The following NCOA1 variants were observed in gnomAD, a reference collection of about 807,000 sequenced individuals.
NCOA1 encodes the protein Hin-2 protein.
Under a neutral mutation model 150.9 loss-of-function variants are expected in NCOA1, and 35 were observed. The observed-to-expected ratio is 0.23, with a 90% confidence interval of 0.18 to 0.31. The LOEUF (loss-of-function observed/expected upper bound fraction) is 0.31. Ranked by LOEUF, NCOA1 falls within the 10% of genes least tolerant of loss-of-function variation. NCOA1 has a pLI of 1.00. For synonymous variants in NCOA1, 590 were observed against 630.0 expected (o/e 0.94, Z 0.95); for missense variants, 1,491 against 1,749.3 (o/e 0.85, Z 2.63).
chr2:24,530,247 G>A (rs1664827431), intron 1 of NCOA1, among the ~76,000 whole-genome samples: 1 of 152,224 alleles, frequency 6.6e-6, no homozygotes, highest in Non-Finnish European at 1.5e-5. Context: ...TTAAGAGCTA[G>A]AGAAGAATCA....
At chr2:24,737,857 A>G (rs1663403063) in intron 17 of NCOA1, among the ~76,000 whole-genome samples, 1 of 152,226 alleles carries the variant, frequency 6.6e-6, no homozygotes, top group African/African-American at 2.4e-5. Context: ...TCCAAACTTT[A>G]TACAGTATCT....
intron 2 of NCOA1, among the ~76,000 whole-genome samples, chr2:24,574,399 A>G (rs1666864617): frequency 6.6e-6 from 1 of 152,128 alleles, no homozygotes; most frequent in Admixed American, 6.5e-5. Flanking sequence ...AGATGGAAAT[A>G]TGCCCAATTA....
chr2:24,547,715 G>T (rs1366225572), intron 1 of NCOA1, among the ~76,000 whole-genome samples: 1 of 151,786 alleles, frequency 6.6e-6, no homozygotes, highest in Non-Finnish European at 1.5e-5. Context: ...GGAGCCAGGT[G>T]CAATGGCTCA....
At chr2:24,667,746 A>G (rs1165351779) in intron 6 of NCOA1, among the ~76,000 whole-genome samples, 1 of 152,120 alleles carries the variant, frequency 6.6e-6, no homozygotes, top group East Asian at 1.9e-4. Context: ...TGCCCCTGCT[A>G]TTTACAGTTG....
chr2:24,705,726 G>A (rs1380695108), intron 12 of NCOA1, among the ~76,000 whole-genome samples: 1 of 151,990 alleles, frequency 6.6e-6, no homozygotes, highest in African/African-American at 2.4e-5. Context: ...ACTGATATAT[G>A]GTAAATTCAT....
At chr2:24,742,332 C>T (rs1312721416) in intron 19 of NCOA1, 146 bp downstream of exon 19, 1 of 960,430 alleles carries the variant, frequency 1.0e-6, no homozygotes, top group South Asian at 1.9e-5. Context: ...AGGATTCAGA[C>T]TCAGCTTTTG....
At chr2:24,503,893 C>G (rs1663576226) in intron 1 of NCOA1, among the ~76,000 whole-genome samples, 1 of 152,080 alleles carries the variant, frequency 6.6e-6, no homozygotes, top group East Asian at 1.9e-4. Flanking sequence ...TACCACCACA[C>G]ACAGCTAGTT....
At chr2:24,636,566 C>T (rs1442497827) in intron 3 of NCOA1, among the ~76,000 whole-genome samples, 1 of 152,048 alleles carries the variant, frequency 6.6e-6, no homozygotes, top group Admixed American at 6.6e-5. Context: ...TAAATAAAGA[C>T]AATTTTAGTT....
rs1190620343 is a variant in NCOA1, at chr2:24,679,808, G to A, written c.355-3143G>A. 2.6e-5 allele frequency among the ~76,000 whole-genome samples: 4 copies of A among 152,142 alleles called. No individual in the cohort carries two copies. In the South Asian group the frequency reaches 6.2e-4, roughly 24 times the overall value. ...TGAGATTTTAAAGATTATTAATCAC[G>A]TCCCTATCTCCTTTGCATTATGGAC... On this transcript the variant is annotated intron_variant, in intron 7 of 22. Coordinates refer to ENST00000348332, the MANE Select transcript of NCOA1 (RefSeq NM_003743.5).
intron 2 of NCOA1, among the ~76,000 whole-genome samples, chr2:24,577,072 G>C (rs1020499844): frequency 1.3e-5 from 2 of 152,006 alleles, no homozygotes; most frequent in Non-Finnish European, 2.9e-5. Context: ...TTATCTAACT[G>C]GTTGTCATTT....
chr2:24,549,065 T>C (rs1665722824), intron 1 of NCOA1, among the ~76,000 whole-genome samples: 1 of 152,210 alleles, frequency 6.6e-6, no homozygotes, highest in Non-Finnish European at 1.5e-5. Context: ...ACAGAGGTTC[T>C]CTATGAGAGC....
intron 1 of NCOA1, among the ~76,000 whole-genome samples, chr2:24,537,488 G>A (rs1558775817): frequency 6.6e-6 from 1 of 151,780 alleles, no homozygotes. Context: ...ATGTATGTGT[G>A]TGTGTGTGTG....
intron 19 of NCOA1, among the ~76,000 whole-genome samples, chr2:24,750,173 C>A: frequency 6.6e-6 from 1 of 151,926 alleles, no homozygotes; most frequent in Non-Finnish European, 1.5e-5. Context: ...CTGAAAAAAA[C>A]CTGGTAATTT....
At chr2:24,537,461 G>GTA (rs568823635) in intron 1 of NCOA1, among the ~76,000 whole-genome samples, 48 of 150,920 alleles carry the variant, frequency 3.2e-4, no homozygotes, top group African/African-American at 4.4e-4. Flanking sequence ...ATTTGTGTGT[G>GTA]TATATATATA....
intron 3 of NCOA1, among the ~76,000 whole-genome samples, chr2:24,602,291 C>T (rs1208475086): frequency 6.6e-6 from 1 of 152,128 alleles, no homozygotes; most frequent in African/African-American, 2.4e-5. Flanking sequence ...GCCTCGACCT[C>T]CCAGGCCCAA....
intron 2 of NCOA1, among the ~76,000 whole-genome samples, chr2:24,575,650 T>C (rs753185682): frequency 1.3e-5 from 2 of 151,066 alleles, no homozygotes; most frequent in East Asian, 2.0e-4. Context: ...CTTGGCTCAC[T>C]GCAACCTCCA....
chr2:24,664,742 A>G (rs777072197), intron 5 of NCOA1, among the ~76,000 whole-genome samples: 22 of 152,206 alleles, frequency 1.4e-4, no homozygotes, highest in Non-Finnish European at 2.4e-4. Flanking sequence ...AGTAAATGGT[A>G]TCTTAATTGT....
intron 1 of NCOA1, among the ~76,000 whole-genome samples, chr2:24,499,977 T>C (rs1401361017): frequency 6.6e-6 from 1 of 152,230 alleles, no homozygotes; most frequent in Non-Finnish European, 1.5e-5. Context: ...ATAAGTCCTT[T>C]AAACCTTGAT....
At chr2:24,729,880 A>AGGCTAGTGT in intron 17 of NCOA1, 65 bp downstream of exon 17, 1 of 1,500,310 alleles carries the variant, frequency 6.7e-7, no homozygotes, top group Non-Finnish European at 9.0e-7. Flanking sequence ...ACCTGTCACC[A>AGGCTAGTGT]GGCTAGTGTG....
Sources: allele counts gnomAD v4.1 joint callset (sites outside exome capture counted in the v4.1 genomes callset), GRCh38; gene constraint gnomAD v4.1.1; transcripts MANE v1.5; gene names NCBI Gene and HGNC (gene_info 2026-07-23, HGNC 2026-07-21).